CDH1: variants seen among roughly 807,000 people sequenced by gnomAD.
The protein encoded by CDH1 is cadherin-1.
Under a neutral mutation model 84.5 loss-of-function variants are expected in CDH1, and 35 were observed. The observed-to-expected ratio is 0.41, with a 90% CI of 0.32 to 0.55. CDH1 has a LOEUF of 0.55. CDH1 is among the 20% of genes least tolerant of loss of function. The pLI, the probability that CDH1 is intolerant of heterozygous loss-of-function variation, is 0.19. For missense variants in CDH1, 994 were observed against 1,126.6 expected, an observed-to-expected ratio of 0.88 and a Z score of 1.68; for synonymous variants, 417 against 439.0, an observed-to-expected ratio of 0.95 and a Z score of 0.63.
At chr16:68,821,914 G>A (rs1216035011) in intron 11 of CDH1, 87 bp from the exon 12 acceptor site, 1 of 1,065,056 alleles carries the variant, frequency 9.4e-7, no homozygotes, top group African/African-American at 1.6e-5. Context: ...GAAGAGCCAG[G>A]ACAAGATCTA....
At chr16:68,762,132 C>G (rs893728784) in intron 2 of CDH1, among the ~76,000 whole-genome samples, 1 of 152,174 alleles carries the variant, frequency 6.6e-6, no homozygotes, top group Non-Finnish European at 1.5e-5. Context: ...CATGGACTCC[C>G]ATTTCCAATG....
intron 2 of CDH1, 80 bp from the exon 3 acceptor site, chr16:68,801,590 A>C: frequency 8.3e-7 from 1 of 1,207,936 alleles, no homozygotes; most frequent in Non-Finnish European, 1.2e-6. Context: ...GAGTCTTCCC[A>C]CAAGTTCGCT....
chr16:68,831,069 C>CTT lies in CDH1; in HGVS notation c.2439+1298_2439+1299dup, dbSNP rs1157074539. Among the ~76,000 whole-genome samples, 601 of 80,316 alleles carry CTT rather than the reference C, an allele frequency of 7.5e-3. 85 individuals are homozygous for CTT. The highest frequency in any genetic ancestry group is 0.027 in the African/African-American group (509 of 19,118). The allele number at this position is 80,316 out of a possible 152,430, so 52.7% of individuals were successfully genotyped here. On this transcript the variant is annotated intron_variant, in intron 15 of 15. Coordinates refer to ENST00000261769, the MANE Select transcript of CDH1 (RefSeq NM_004360.5). ...TGAGGTCTGTGTTTGCTTTAGCTTT[C>CTT]TTTTTTTTTTTTTTTTTTTTTTTTT...
Position 68,824,554 on chromosome 16 carries a change from GA to G in CDH1, c.2164+930del, listed in dbSNP as rs572137331. 2.8e-3 allele frequency among the ~76,000 whole-genome samples: 428 copies of G among 152,298 alleles called. 1 individual carries two copies. Among genetic ancestry groups the G allele is most frequent in the African/African-American group, 9.8e-3 (408 of 41,566 alleles). On this transcript the variant is annotated intron_variant, in intron 13 of 15. Coordinates refer to ENST00000261769, the MANE Select transcript of CDH1 (RefSeq NM_004360.5). The stretch of plus-strand genomic sequence containing the variant: ...AACACAGCCACATCTAGCTGCAAGG[GA>G]ACCTGGAAGCTTCTACTTACAATTG...
rs745826347 is a variant in CDH1, at chr16:68,833,274, G to C, written c.2440-16G>C. On this transcript the variant is annotated splice_polypyrimidine_tract_variant and intron_variant, in intron 15 of 15. Coordinates refer to ENST00000261769, the MANE Select transcript of CDH1 (RefSeq NM_004360.5). ...CTTCCTTTCACTAAAAGATGCTTTT[G>C]TCCCTTCTTCTTTAGAATCTGAAAG... 6.2e-7 allele frequency: 1 copy of C among 1,610,450 alleles called. No individual in the cohort carries two copies. Among genetic ancestry groups the C allele is most frequent in the South Asian group, 1.1e-5 (1 of 91,014 alleles).
At chr16:68,801,919 T>A (rs367860430) in intron 3 of CDH1, 26 bp downstream of exon 3, 1 of 1,582,736 alleles carries the variant, frequency 6.3e-7, no homozygotes, top group Non-Finnish European at 8.7e-7. Context: ...TCTGAGAAGT[T>A]CGCTGTTGTT....
At chr16:68,754,037 T>A (rs1376072448) in intron 2 of CDH1, among the ~76,000 whole-genome samples, 1 of 151,208 alleles carries the variant, frequency 6.6e-6, no homozygotes, top group Admixed American at 6.6e-5. Flanking sequence ...GAGAATGGCT[T>A]GAACCTGGGA....
chr16:68,815,014 T>A (rs917843365), intron 9 of CDH1, among the ~76,000 whole-genome samples: 48 of 150,834 alleles, frequency 3.2e-4, no homozygotes, highest in African/African-American at 1.1e-3. Flanking sequence ...TCACCTGAGG[T>A]CAGGAGTTCG....
intron 2 of CDH1, among the ~76,000 whole-genome samples, chr16:68,752,904 C>G (rs1019771823): frequency 1.3e-5 from 2 of 152,190 alleles, no homozygotes; most frequent in African/African-American, 4.8e-5. Context: ...GAGCAAGGCT[C>G]TCAGATACAC....
chr16:68,775,000 C>T (rs571213872), intron 2 of CDH1, among the ~76,000 whole-genome samples: 33 of 152,074 alleles, frequency 2.2e-4, no homozygotes, highest in African/African-American at 7.5e-4. Flanking sequence ...GTGGTGCGCA[C>T]CTGTGGTCCC....
chr16:68,753,344 T>C (rs936829944), intron 2 of CDH1, among the ~76,000 whole-genome samples: 1 of 140,024 alleles, frequency 7.1e-6, no homozygotes. Context: ...CTTGTAAATC[T>C]TTTTTTTTTC....
intron 13 of CDH1, 145 bp downstream of exon 13, chr16:68,823,771 T>G (rs1961242424): frequency 3.1e-6 from 2 of 650,430 alleles, no homozygotes. Context: ...CCAGCCTCCA[T>G]AAAATAGAAG....
intron 13 of CDH1, among the ~76,000 whole-genome samples, chr16:68,824,301 T>C (rs1961261286): frequency 6.6e-6 from 1 of 152,024 alleles, no homozygotes; most frequent in Non-Finnish European, 1.5e-5. Context: ...CCGGCCAGAT[T>C]CTACATTTCT....
chr16:68,743,359 C>CTTTCTTTCTTTCTTTCTTTTCT (rs1555510238), intron 2 of CDH1, among the ~76,000 whole-genome samples: 2 of 55,572 alleles, frequency 3.6e-5, no homozygotes. Context: ...TTCTTTCTTT[C>CTTTCTTTCTTTCTTTCTTTTCT]TTTCTTTTCT....
chr16:68,819,224 C>T (rs2152136655), intron 10 of CDH1, 56 bp from the exon 11 acceptor site: 1 of 1,606,274 alleles, frequency 6.2e-7, no homozygotes, highest in South Asian at 1.1e-5. Context: ...AAGCCGTTTT[C>T]AGCTACATGT....
At chr16:68,811,655 T>A in intron 6 of CDH1, 29 bp from the exon 7 acceptor site, 4 of 1,611,270 alleles carry the variant, frequency 2.5e-6, no homozygotes, top group Non-Finnish European at 3.4e-6. Context: ...GCAGCTTGTC[T>A]AAACCTTCAT....
rs114885938 is a variant in CDH1, at chr16:68,815,710, A to G, written c.1516A>G (p.Thr506Ala). ...GGACTTTGGCGTGGGCCAGGAAATC[A>G]CATCCTACACTGCCCAGGAGCCAGA... The part of the protein sequence containing the change: ...SEDFGVGQEI[T>A]SYTAQEPDTF... Residue 506 changes from threonine to alanine, a missense_variant, in exon 10 of 16, where the codon ACA becomes GCA. Transcript: ENST00000261769. 5.0e-6 allele frequency: 8 copies of G among 1,614,284 alleles called. No individual in the cohort carries two copies. The East Asian group carries it at 1.6e-4, about 31-fold the overall frequency.
intron 2 of CDH1, chr16:68,765,062 A>G (rs908259582): frequency 1.3e-5 from 2 of 152,260 alleles, no homozygotes; most frequent in African/African-American, 4.8e-5. Flanking sequence ...AGAAGCCAGC[A>G]TGAAACTCAA....
chr16:68,793,109 T>C (rs531092190), intron 2 of CDH1, among the ~76,000 whole-genome samples: 3 of 152,336 alleles, frequency 2.0e-5, no homozygotes, highest in African/African-American at 7.2e-5. Flanking sequence ...ATTGCATGGA[T>C]GTTGTGGGCA....
Sources: gnomAD v4.1 joint callset for allele counts (sites outside exome capture counted in the v4.1 genomes callset) on GRCh38, gnomAD v4.1.1 for gene constraint, MANE v1.5 for transcripts, NCBI Gene and HGNC (gene_info 2026-07-23, HGNC 2026-07-21) for gene names.